BRME1: variants seen among roughly 807,000 people sequenced by gnomAD.
The protein encoded by BRME1 is BRCA2 and MEILB2-associating protein 1.
BRME1 carries 31 observed loss-of-function variants against 52.6 expected under a neutral mutation model. The ratio of observed to expected loss-of-function variants is 0.59; its 90% confidence interval spans 0.44 to 0.80. BRME1 has a LOEUF of 0.80. BRME1 is among the 30% of genes least tolerant of loss of function. The pLI, the probability that BRME1 is intolerant of heterozygous loss-of-function variation, is 0.00. For synonymous variants in BRME1, 359 were observed against 353.6 expected (o/e 1.02, Z -0.17); for missense variants, 804 against 860.3 (o/e 0.93, Z 0.82).
intron 2 of BRME1, among the ~76,000 whole-genome samples, chr19:13,899,662 T>C (rs1970163741): frequency 6.6e-6 from 1 of 152,116 alleles, no homozygotes; most frequent in African/African-American, 2.4e-5. Flanking sequence ...CCTCAAAGGA[T>C]GTACCACCAC....
rs1042932138 is a variant in BRME1 at position 13,883,781 on chromosome 19, C to T, written c.1764-381G>A. Among the ~76,000 whole-genome samples, 1 of 151,992 alleles carries T rather than the reference C, an allele frequency of 6.6e-6. No homozygotes were observed. The highest frequency in any genetic ancestry group is 2.4e-5 in the African/African-American group (1 of 41,366). On this transcript the variant is annotated intron_variant, in intron 7 of 8. Coordinates refer to ENST00000586783, the MANE Select transcript of BRME1 (RefSeq NM_001345843.2). This position sits in a 1 kb window ranked among gnomAD's most constrained non-coding sequence, Gnocchi z 4.2. ...GCCCTCCCCTCATCCCCCGCTTCTCCCCTCCCCTCGGCTCTAGCCACACTA... is the reference window on the plus strand; with the variant it reads ...GCCCTCCCCTCATCCCCCGCTTCTCTCCTCCCCTCGGCTCTAGCCACACTA...
At chr19:13,891,213 G>A (rs1392983396) in intron 5 of BRME1, among the ~76,000 whole-genome samples, 1 of 151,148 alleles carries the variant, frequency 6.6e-6, no homozygotes, top group East Asian at 1.9e-4. Flanking sequence ...GCAATGGTGC[G>A]ATCTTGGCTC....
At chr19:13,898,656 G>C (rs8100935) in intron 2 of BRME1, among the ~76,000 whole-genome samples, 50,301 of 151,910 alleles carry the variant, frequency 0.33, 10,991 homozygotes, top group African/African-American at 0.63. Context: ...AGGCGCAGTG[G>C]TTCATGCCTG....
At chr19:13,891,135 T>TTTATTATTATTATTATTATTA (rs148642817) in intron 5 of BRME1, among the ~76,000 whole-genome samples, 130 of 146,662 alleles carry the variant, frequency 8.9e-4, no homozygotes, top group African/African-American at 3.2e-3. Context: ...CAATTTCCTG[T>TTTATTATTATTATTATTATTA]TTATTATTAT....
intron 2 of BRME1, among the ~76,000 whole-genome samples, chr19:13,898,266 A>G (rs1271602046): frequency 1.3e-5 from 2 of 152,142 alleles, no homozygotes; most frequent in Non-Finnish European, 2.9e-5. Flanking sequence ...AGAATACTTG[A>G]GCATTTACTG....
chr19:13,887,433 G>GCTGT (rs1207685541), intron 6 of BRME1, among the ~76,000 whole-genome samples: 1 of 152,208 alleles, frequency 6.6e-6, no homozygotes, highest in Non-Finnish European at 1.5e-5. Context: ...GACCAGCCTG[G>GCTGT]CTGTCTGTCT....
intron 8 of BRME1, 41 bp from the exon 9 acceptor site, chr19:13,882,993 C>A: frequency 1.9e-6 from 3 of 1,591,302 alleles, no homozygotes; most frequent in South Asian, 2.2e-5. Flanking sequence ...GCTCAGTGGT[C>A]ACCAGGTGAC....
Position 13,889,211 on chromosome 19 carries a change from C to A in BRME1, c.1645G>T (p.Asp549Tyr). 1.9e-6 allele frequency: 3 copies of A among 1,597,604 alleles called. No homozygotes were observed. Among genetic ancestry groups the A allele is most frequent in the South Asian group, 2.2e-5 (2 of 88,910 alleles). The change falls in exon 6 of 9, where the codon GAC becomes TAC. Residue 549 changes from aspartate to tyrosine, a missense_variant. Physicochemically the swap from Asp to Tyr is radical, Grantham distance 160. Around this residue, in one of 3 missense-constraint regions of BRME1, gnomAD observed 552 missense variants for 561.1 expected, o/e 0.98. Transcript: ENST00000586783. Reference protein sequence around the residue: ...SQIQDALDASDFEAPPEQLFP... With the variant: ...SQIQDALDASYFEAPPEQLFP... ...ACCTGCTCAGGTGGGGCTTCGAAGT[C>A]AGAGGCGTCCAGGGCATCCTGTATC...
chr19:13,894,905 T>C (rs1286536672), intron 3 of BRME1, among the ~76,000 whole-genome samples: 1 of 152,062 alleles, frequency 6.6e-6, no homozygotes, highest in East Asian at 1.9e-4. Context: ...TTTTTTTAGA[T>C]GGAGTCTCGC....
intron 6 of BRME1, among the ~76,000 whole-genome samples, 171 bp downstream of exon 6, chr19:13,889,017 G>T (rs1021354641): frequency 8.0e-5 from 12 of 150,522 alleles, no homozygotes; most frequent in African/African-American, 2.9e-4. Flanking sequence ...GAAAACCACC[G>T]ACTCCACACC....
chr19:13,882,530 G>T lies in BRME1; in HGVS notation c.*272C>A, dbSNP rs79786523. On this transcript the variant is annotated 3_prime_UTR_variant, in exon 9 of 9. Transcript: ENST00000586783. ...CGGACAGGATGGGCCCTGCTCAGAG[G>T]TGGCCAGCTTCCTGGAGCCCAGGCC... 1.5e-3 allele frequency: 787 copies of T among 534,280 alleles called. 4 individuals carry two copies. Among genetic ancestry groups the T allele is most frequent in the African/African-American group, 0.014 (721 of 51,482 alleles). 33.1% of individuals were successfully genotyped at this position (534,280 alleles called of 1,614,324 possible).
chr19:13,890,314 T>G lies in BRME1; in HGVS notation c.542A>C (p.Gln181Pro). 6.2e-7 allele frequency: 1 copy of G among 1,606,424 alleles called. No homozygotes were observed. The highest frequency in any genetic ancestry group is 8.5e-7 in the Non-Finnish European group (1 of 1,176,184). Residue 181 changes from glutamine to proline, a missense_variant, in exon 6 of 9, where the codon CAG becomes CCG. Around this residue, in one of 3 missense-constraint regions of BRME1, gnomAD observed 234 missense variants for 258.1 expected, o/e 0.91. Coordinates refer to ENST00000586783, the MANE Select transcript of BRME1 (RefSeq NM_001345843.2). ...AGAATCCCCACTGCCGGGCACCGCC[T>G]GCACAGGGCTCTGGCTGCTCTGCTC... is the stretch of plus-strand genomic sequence containing the variant. ...RPEQSSQSPV[Q>P]AVPGSGDSQP...
intron 2 of BRME1, among the ~76,000 whole-genome samples, chr19:13,901,421 C>A (rs986428229): frequency 4.6e-5 from 7 of 152,214 alleles, no homozygotes; most frequent in Middle Eastern, 3.4e-3. Flanking sequence ...AACATTTTAT[C>A]TGGGCCAGGC....
intron 2 of BRME1, among the ~76,000 whole-genome samples, chr19:13,895,893 G>A (rs905333953): frequency 1.3e-5 from 2 of 152,174 alleles, no homozygotes; most frequent in African/African-American, 2.4e-5. Context: ...CTGGCCCCTT[G>A]CATTTCTGCA....
At chr19:13,897,237 C>A (rs1969971567) in intron 2 of BRME1, among the ~76,000 whole-genome samples, 1 of 151,360 alleles carries the variant, frequency 6.6e-6, no homozygotes. Flanking sequence ...CAGGGTTTCA[C>A]CATGTTGGCC....
chr19:13,884,628 C>CA (rs35330501), intron 7 of BRME1, among the ~76,000 whole-genome samples: 14,073 of 125,300 alleles, frequency 0.11, 2,506 homozygotes, highest in African/African-American at 0.37. Flanking sequence ...GACTGTGTCT[C>CA]AAAAAAAAAA....
Position 13,884,460 on chromosome 19 carries a change from T to TA in BRME1, c.1764-1061dup, listed in dbSNP as rs202008415. 5.6e-3 allele frequency among the ~76,000 whole-genome samples: 846 copies of TA among 150,224 alleles called. 8 individuals are homozygous for TA. Among genetic ancestry groups the TA allele is most frequent in the African/African-American group, 0.02 (813 of 40,924 alleles). On this transcript the variant is annotated intron_variant, in intron 7 of 8. Coordinates refer to ENST00000586783, the MANE Select transcript of BRME1 (RefSeq NM_001345843.2). Reference sequence around the variant, plus strand: ...GGGCAACACGGCAAAATCCCATCTCTAAAAAAAAATATACAAAATTAGCCG... The same window carrying TA: ...GGGCAACACGGCAAAATCCCATCTCTAAAAAAAAAATATACAAAATTAGCCG...
chr19:13,900,360 C>T (rs1244711877), intron 2 of BRME1, among the ~76,000 whole-genome samples: 1 of 152,198 alleles, frequency 6.6e-6, no homozygotes, highest in Non-Finnish European at 1.5e-5. Flanking sequence ...GTCCACTGAG[C>T]TGGGGAGTCT....
chr19:13,895,376 A>AGACG lies in BRME1; in HGVS notation c.198_201dup (p.Ser68ArgfsTer6), dbSNP rs1197189315. 6.2e-7 allele frequency: 1 copy of AGACG among 1,612,550 alleles called. No individual in the cohort carries two copies. The highest frequency in any genetic ancestry group is 8.5e-7 in the Non-Finnish European group (1 of 1,179,688). ...GGAATGTTCAGAGCCACCTACCTGG[A>AGACG]GACGGCCTTTCCTGGTTCCTCCCCG... is the stretch of plus-strand genomic sequence containing the variant. On this transcript the variant is annotated frameshift_variant, in exon 3 of 9. Coordinates refer to ENST00000586783, the MANE Select transcript of BRME1 (RefSeq NM_001345843.2). LOFTEE classifies it high-confidence loss of function.
Sources: allele counts gnomAD v4.1 joint callset (sites outside exome capture counted in the v4.1 genomes callset), GRCh38; gene constraint gnomAD v4.1.1; regional missense constraint gnomAD v4.1.1; non-coding constraint Gnocchi (gnomAD v3.1); transcripts MANE v1.5; gene names NCBI Gene and HGNC (gene_info 2026-07-23, HGNC 2026-07-21).